Variants in PI4KA observed in about 807,000 individuals in gnomAD.
PI4KA encodes PI4-kinase alpha.
In PI4KA, 122 loss-of-function variants were observed where a neutral mutation model predicts 271.4. That is an observed-to-expected ratio of 0.45 (90% confidence interval 0.39 to 0.52). The LOEUF (loss-of-function observed/expected upper bound fraction) is 0.52, where lower values mean the gene tolerates loss of function less well. PI4KA is among the 20% of genes least tolerant of loss of function. The probability of loss-of-function intolerance (pLI) is 0.00; values close to 1 mark genes in which losing one functional copy is unlikely to be tolerated. For missense variants in PI4KA, 1,969 were observed against 2,769.1 expected, an observed-to-expected ratio of 0.71 and a Z score of 6.48; for synonymous variants, 1,041 against 1,078.8, an observed-to-expected ratio of 0.96 and a Z score of 0.69.
At chr22:20,826,207 G>A (rs1923401882) in intron 3 of PI4KA, among the ~76,000 whole-genome samples, 2 of 152,122 alleles carry the variant, frequency 1.3e-5, no homozygotes, top group Non-Finnish European at 2.9e-5. Flanking sequence ...GCCGGGTGTA[G>A]TGGCACATGC....
intron 12 of PI4KA, 97 bp from the exon 13 acceptor site, chr22:20,803,417 T>C: frequency 1.3e-6 from 2 of 1,499,588 alleles, no homozygotes; most frequent in Non-Finnish European, 1.8e-6. Context: ...TACCCAAGTC[T>C]GACCCAAAAC....
At chr22:20,734,613 G>T in intron 32 of PI4KA, 60 bp from the exon 33 acceptor site, 5 of 1,475,440 alleles carry the variant, frequency 3.4e-6, no homozygotes, top group Non-Finnish European at 4.6e-6. Flanking sequence ...CTACTGTCAA[G>T]TTTTCTCTAA....
At chr22:20,756,191 T>C (rs1386037343) in intron 23 of PI4KA, among the ~76,000 whole-genome samples, 2 of 151,878 alleles carry the variant, frequency 1.3e-5, no homozygotes, top group African/African-American at 4.8e-5. Flanking sequence ...TTGGGCCATG[T>C]GTTTAGTATA....
In PI4KA at chr22:20,721,437, CCT is replaced by C; in HGVS notation, c.4996-21_4996-20del. ...AGCCCATCTGCAGGAGAGCAAGGTC[CCT>C]GTCAGCCAGGCTCGGCCCTCTCCAT... On this transcript the variant is annotated intron_variant, in intron 42 of 54. Coordinates refer to ENST00000255882, the MANE Select transcript of PI4KA (RefSeq NM_058004.4). The C allele has an allele frequency of 6.2e-7, 1 of 1,612,304 alleles. No individual in the cohort carries two copies. The highest frequency in any genetic ancestry group is 8.5e-7 in the Non-Finnish European group (1 of 1,179,140).
Position 20,808,262 on chromosome 22 carries a change from C to T in PI4KA, c.1072-804G>A, listed in dbSNP as rs563901464. Among the ~76,000 whole-genome samples the T allele has an allele frequency of 1.7e-3, 247 of 149,158 alleles. 2 individuals carry two copies. Among genetic ancestry groups the T allele is most frequent in the African/African-American group, 5.9e-3 (238 of 40,406 alleles). ...CAGAGATCGCGCCATTGCACTCCAG[C>T]CTGGGCAACAAGAACAAAACTCTGT... is the stretch of plus-strand genomic sequence containing the variant. On this transcript the variant is annotated intron_variant, in intron 9 of 54. Coordinates refer to ENST00000255882, the MANE Select transcript of PI4KA (RefSeq NM_058004.4).
At chr22:20,733,665 T>C in intron 35 of PI4KA, 71 bp downstream of exon 35, 2 of 1,612,300 alleles carry the variant, frequency 1.2e-6, no homozygotes, top group Non-Finnish European at 1.7e-6. Flanking sequence ...TTCCTGGGGG[T>C]TTGGGGCGAT....
In PI4KA at chr22:20,763,021, G is replaced by T. The variant is rs76514676; in HGVS notation, c.2709-1635C>A. Among the ~76,000 whole-genome samples the T allele has an allele frequency of 7.6e-5, 4 of 52,644 alleles. No homozygotes were observed. In the East Asian group the frequency reaches 1.1e-3, roughly 14 times the overall value. The allele number at this position is 52,644 out of a possible 152,430, so 34.5% of individuals were successfully genotyped here. A position where few individuals can be genotyped will look rare whatever the true frequency, so the allele number is the denominator to read the frequency against. On this transcript the variant is annotated intron_variant, in intron 22 of 54. Transcript: ENST00000255882. ...AGGTTTTTTTGCTTTTTTTTTTGGG[G>T]GGGGGGGGGGTTAGAGACAAGTTCT...
intron 14 of PI4KA, among the ~76,000 whole-genome samples, chr22:20,801,405 G>A (rs1935320577): frequency 6.6e-6 from 1 of 151,118 alleles, no homozygotes; most frequent in Admixed American, 6.6e-5. Context: ...CCAACATAGT[G>A]AAATCCCATC....
In PI4KA at chr22:20,711,315, G is replaced by A. The variant is rs370032133; in HGVS notation, c.5923+26C>T. The A allele has an allele frequency of 5.3e-5, 72 of 1,348,266 alleles. 8 individuals carry two copies. The highest frequency in any genetic ancestry group is 5.1e-6 in the Non-Finnish European group (5 of 981,396). 83.5% of individuals were successfully genotyped at this position (1,348,266 alleles called of 1,614,324 possible). On this transcript the variant is annotated intron_variant, in intron 51 of 54. Transcript: ENST00000255882. ...CCTGGGTGCCAGGGGTGAAGGGAGA[G>A]GAGGGTGGCGCTGTGGCTGGCTGAC...
chr22:20,760,413 C>G (rs1293673534), intron 23 of PI4KA, among the ~76,000 whole-genome samples: 1 of 152,178 alleles, frequency 6.6e-6, no homozygotes, highest in Non-Finnish European at 1.5e-5. Context: ...TGCTTATACG[C>G]AGCATTTAAC....
At chr22:20,745,305 G>C (rs1057370919) in intron 29 of PI4KA, among the ~76,000 whole-genome samples, 3 of 152,188 alleles carry the variant, frequency 2.0e-5, no homozygotes, top group African/African-American at 7.2e-5. Context: ...CAGGGCCTCA[G>C]TGACCTGGCT....
intron 8 of PI4KA, among the ~76,000 whole-genome samples, chr22:20,812,924 T>C (rs1369869881): frequency 1.3e-5 from 2 of 152,182 alleles, no homozygotes; most frequent in Admixed American, 6.5e-5. Context: ...TTTTCTCTGG[T>C]ATCACCCTCA....
chr22:20,749,771 C>T, intron 28 of PI4KA, 134 bp downstream of exon 28: 2 of 644,766 alleles, frequency 3.1e-6, no homozygotes, highest in Non-Finnish European at 5.8e-6. Context: ...CTATTATTCT[C>T]AGGCCCTAGA....
intron 3 of PI4KA, among the ~76,000 whole-genome samples, chr22:20,827,068 GT>G (rs951115032): frequency 3.3e-4 from 50 of 152,132 alleles, no homozygotes; most frequent in African/African-American, 1.2e-3. Context: ...GTCAATTTTT[GT>G]TTTTGCTGCA....
intron 5 of PI4KA, among the ~76,000 whole-genome samples, 154 bp downstream of exon 5, chr22:20,820,385 T>G (rs1922485327): frequency 1.3e-5 from 2 of 152,140 alleles, no homozygotes; most frequent in South Asian, 4.1e-4. Flanking sequence ...CCATGTGGCC[T>G]CTGAGGATAC....
intron 19 of PI4KA, among the ~76,000 whole-genome samples, chr22:20,771,006 C>T (rs532868406): frequency 3.9e-4 from 60 of 152,062 alleles, no homozygotes; most frequent in African/African-American, 1.4e-3. Flanking sequence ...ATAGTGAGAC[C>T]CCGCTTTTTT....
intron 19 of PI4KA, among the ~76,000 whole-genome samples, chr22:20,770,427 C>T (rs1453223152): frequency 3.4e-5 from 5 of 148,022 alleles, no homozygotes; most frequent in African/African-American, 1.3e-4. Flanking sequence ...GCAGGAGAAT[C>T]GCTTGAACCC....
At chr22:20,854,810 C>T (rs1418366520) in intron 1 of PI4KA, among the ~76,000 whole-genome samples, 2 of 152,146 alleles carry the variant, frequency 1.3e-5, no homozygotes, top group East Asian at 1.9e-4. Context: ...TATAAGTCTC[C>T]ATCTTTATTA....
At chr22:20,748,216 G>C (rs889633881) in intron 28 of PI4KA, among the ~76,000 whole-genome samples, 3 of 152,224 alleles carry the variant, frequency 2.0e-5, no homozygotes, top group African/African-American at 7.2e-5. Context: ...CCAATTCCCC[G>C]AGCGGCTGTC....
Sources: allele counts gnomAD v4.1 joint callset (sites outside exome capture counted in the v4.1 genomes callset), GRCh38; gene constraint gnomAD v4.1.1; transcripts MANE v1.5; gene names NCBI Gene and HGNC (gene_info 2026-07-23, HGNC 2026-07-21).